PKIB: variants seen among roughly 807,000 people sequenced by gnomAD.
PKIB encodes the protein cAMP-dependent protein kinase inhibitor beta, also known as PKI-beta.
A neutral mutation model predicts 4.5 loss-of-function variants in PKIB; 2 were observed. The observed-to-expected ratio is 0.44, with a 90% CI of 0.18 to 1.39. The LOEUF (loss-of-function observed/expected upper bound fraction) is 1.39. PKIB is among the 40% of genes most tolerant of loss of function. PKIB has a pLI of 0.27. For synonymous variants in PKIB, 38 were observed against 36.0 expected (o/e 1.06, Z -0.20); for missense variants, 94 against 92.6 (o/e 1.02, Z -0.06).
chr6:122,511,883 A>G (rs1582667896), intron 2 of PKIB, among the ~76,000 whole-genome samples: 1 of 152,328 alleles, frequency 6.6e-6, no homozygotes, highest in African/African-American at 2.4e-5. Flanking sequence ...GAGCCTGTAC[A>G]TCTGTCCACA....
chr6:122,700,134 A>G (rs868140141), intron 3 of PKIB, among the ~76,000 whole-genome samples: 2 of 151,080 alleles, frequency 1.3e-5, no homozygotes, highest in African/African-American at 2.4e-5. Context: ...TGAATTTCCA[A>G]TTGGGTCAAA....
chr6:122,656,280 T>C (rs1776773117), intron 2 of PKIB, among the ~76,000 whole-genome samples: 1 of 152,224 alleles, frequency 6.6e-6, no homozygotes, highest in Non-Finnish European at 1.5e-5. Flanking sequence ...GTTCAAATCC[T>C]CTTTCAGAGA....
At chr6:122,553,463 A>C (rs1487012327) in intron 2 of PKIB, among the ~76,000 whole-genome samples, 1 of 114,450 alleles carries the variant, frequency 8.7e-6, no homozygotes, top group Non-Finnish European at 1.8e-5. Flanking sequence ...TCATCTCTCA[A>C]GATTGCTCAA....
rs75524806 is a variant in PKIB at position 122,579,313 on chromosome 6, G to T, written c.-247-6608G>T. 1.8e-4 allele frequency among the ~76,000 whole-genome samples: 27 copies of T among 152,130 alleles called. No individual in the cohort carries two copies. In the East Asian group the frequency reaches 4.4e-3, roughly 25 times the overall value. ...TTCATATCTTTGCAATTGTGTTTGC[G>T]GTGCATGGAATATCCTCCCTTTCCT... On this transcript the variant is annotated intron_variant, in intron 2 of 6. Coordinates refer to the PKIB transcript ENST00000392491.
chr6:122,582,109 T>C (rs903861185), intron 2 of PKIB, among the ~76,000 whole-genome samples: 10 of 152,096 alleles, frequency 6.6e-5, no homozygotes, highest in South Asian at 2.1e-4. Context: ...AGATGAGGAC[T>C]TTGTAGTTGC....
intron 4 of PKIB, among the ~76,000 whole-genome samples, chr6:122,722,395 G>A (rs1189838001): frequency 6.6e-6 from 1 of 152,042 alleles, no homozygotes. Flanking sequence ...TATCCTGTTA[G>A]TTTTCATCTA....
At chr6:122,652,791 T>A (rs562628227) in intron 2 of PKIB, 1 of 152,342 alleles carries the variant, frequency 6.6e-6, no homozygotes, top group South Asian at 2.1e-4. Flanking sequence ...AATCTCTTTT[T>A]CTTTAAAACA....
chr6:122,555,004 C>T (rs1413265111), intron 2 of PKIB, among the ~76,000 whole-genome samples: 1 of 152,160 alleles, frequency 6.6e-6, no homozygotes, highest in Non-Finnish European at 1.5e-5. Context: ...GTAATACATT[C>T]ATCAATTTAT....
chr6:122,515,842 G>C (rs1218205356), intron 2 of PKIB, among the ~76,000 whole-genome samples: 2 of 151,818 alleles, frequency 1.3e-5, no homozygotes, highest in African/African-American at 4.8e-5. Context: ...TAGCCTCCCG[G>C]GTAGCTGGGA....
chr6:122,629,023 T>C (rs1232422900), intron 1 of PKIB, among the ~76,000 whole-genome samples: 2 of 152,184 alleles, frequency 1.3e-5, no homozygotes, highest in African/African-American at 4.8e-5. Flanking sequence ...TGCCCTGCAG[T>C]AACTCGTAAT....
At chr6:122,557,562 C>G (rs908067242) in intron 2 of PKIB, among the ~76,000 whole-genome samples, 9 of 152,198 alleles carry the variant, frequency 5.9e-5, no homozygotes, top group Admixed American at 3.9e-4. Context: ...CCTTTACTTT[C>G]TGGAAGTCTT....
intron 2 of PKIB, among the ~76,000 whole-genome samples, chr6:122,551,706 G>A (rs1234706016): frequency 6.6e-6 from 1 of 152,012 alleles, no homozygotes; most frequent in East Asian, 1.9e-4. Flanking sequence ...TATTCAATAT[G>A]TTTATGTTCA....
chr6:122,623,444 G>A (rs1255403478), intron 1 of PKIB, among the ~76,000 whole-genome samples: 1 of 152,158 alleles, frequency 6.6e-6, no homozygotes, highest in Non-Finnish European at 1.5e-5. Flanking sequence ...GCTAAAATGT[G>A]GAGTAGAGAA....
At chr6:122,657,891 T>C (rs1177343772) in intron 2 of PKIB, among the ~76,000 whole-genome samples, 1 of 152,210 alleles carries the variant, frequency 6.6e-6, no homozygotes, top group East Asian at 1.9e-4. Flanking sequence ...TAACTAAAGA[T>C]AAGGGTTTTG....
chr6:122,602,760 CA>C (rs757738782), intron 3 of PKIB, among the ~76,000 whole-genome samples: 2 of 151,480 alleles, frequency 1.3e-5, no homozygotes, highest in Non-Finnish European at 2.9e-5. Flanking sequence ...CCTAAAAATA[CA>C]AAAAACAAGC....
At chr6:122,515,355 A>T (rs1002751060) in intron 2 of PKIB, among the ~76,000 whole-genome samples, 4 of 152,228 alleles carry the variant, frequency 2.6e-5, no homozygotes, top group African/African-American at 7.2e-5. Context: ...AACATTTTAA[A>T]TGACCAGCTT....
chr6:122,641,811 A>C (rs958049228), intron 2 of PKIB, among the ~76,000 whole-genome samples: 1 of 152,196 alleles, frequency 6.6e-6, no homozygotes, highest in African/African-American at 2.4e-5. Context: ...CTCCTGCCTC[A>C]GCCTCCCGAG....
intron 3 of PKIB, among the ~76,000 whole-genome samples, chr6:122,596,618 A>T (rs902615745): frequency 7.2e-5 from 11 of 152,176 alleles, no homozygotes; most frequent in African/African-American, 2.7e-4. Flanking sequence ...AAGCCCAGTA[A>T]TAGGCCAAGA....
At chr6:122,565,708 C>A (rs1395838582) in intron 2 of PKIB, among the ~76,000 whole-genome samples, 1 of 152,118 alleles carries the variant, frequency 6.6e-6, no homozygotes, top group East Asian at 1.9e-4. Context: ...TCAACTTGGC[C>A]AATTCAACTT....
Sources: allele counts gnomAD v4.1 joint callset (sites outside exome capture counted in the v4.1 genomes callset), GRCh38; gene constraint gnomAD v4.1.1; transcripts MANE v1.5; gene names NCBI Gene and HGNC (gene_info 2026-07-23, HGNC 2026-07-21).